The following NTNG1 variants were observed in gnomAD, a reference collection of about 807,000 sequenced individuals.
NTNG1 encodes netrin G1.
Under a neutral mutation model 54.0 loss-of-function variants are expected in NTNG1, and 16 were observed. That is an observed-to-expected ratio of 0.30 (90% confidence interval 0.20 to 0.45). The LOEUF is 0.45. Ranked by LOEUF, NTNG1 falls within the 20% of genes least tolerant of loss-of-function variation. NTNG1 has a pLI of 1.00. For missense variants in NTNG1, 530 were observed against 678.7 expected (o/e 0.78, Z 2.43); for synonymous variants, 255 against 263.1 (o/e 0.97, Z 0.30).
At chr1:107,321,582 T>C (rs1353561721) in intron 2 of NTNG1, among the ~76,000 whole-genome samples, 1 of 152,120 alleles carries the variant, frequency 6.6e-6, no homozygotes, top group Non-Finnish European at 1.5e-5. Flanking sequence ...CCCTCCAGGA[T>C]ACGACTTCTG....
intron 7 of NTNG1, among the ~76,000 whole-genome samples, chr1:107,453,549 C>T (rs146582967): frequency 2.0e-5 from 3 of 152,234 alleles, no homozygotes; most frequent in Non-Finnish European, 4.4e-5. Flanking sequence ...CAAAGCCTCC[C>T]AGGGGGTTTC....
At chr1:107,244,786 G>C (rs968126848) in intron 2 of NTNG1, among the ~76,000 whole-genome samples, 3 of 152,022 alleles carry the variant, frequency 2.0e-5, no homozygotes, top group African/African-American at 7.3e-5. Context: ...GAAGAGTGTG[G>C]CGCGAACAGC....
At chr1:107,196,113 C>G (rs1286707569) in intron 2 of NTNG1, among the ~76,000 whole-genome samples, 1 of 151,904 alleles carries the variant, frequency 6.6e-6, no homozygotes, top group Non-Finnish European at 1.5e-5. Flanking sequence ...TAATGACTTC[C>G]TACCTCTCCA....
At position 107,350,011 on chromosome 1, in the gene NTNG1, ATT is replaced by A. The variant is rs752151019; in HGVS notation, c.887+25091_887+25092del. Among the ~76,000 whole-genome samples, 243 of 152,246 alleles carry A rather than the reference ATT, an allele frequency of 1.6e-3. 3 individuals carry two copies. Among genetic ancestry groups the A allele is most frequent in the Non-Finnish European group, 1.6e-3 (111 of 67,976 alleles). ...ACTTTTCTTCCAAAGTGTTGTACTA[ATT>A]TATATTTTCAACAGCAGGTCTAAAA... On this transcript the variant is annotated intron_variant, in intron 3 of 7. Transcript: ENST00000370068.
At chr1:107,219,489 C>G (rs894856825) in intron 2 of NTNG1, among the ~76,000 whole-genome samples, 1 of 152,098 alleles carries the variant, frequency 6.6e-6, no homozygotes, top group Admixed American at 6.5e-5. Context: ...GTTAAAGAAT[C>G]TTGTTTTGTC....
intron 7 of NTNG1, among the ~76,000 whole-genome samples, chr1:107,449,464 A>T (rs1040981459): frequency 6.6e-6 from 1 of 151,898 alleles, no homozygotes; most frequent in Non-Finnish European, 1.5e-5. Context: ...CCGTGAATTG[A>T]CTCAGGATAT....
intron 2 of NTNG1, among the ~76,000 whole-genome samples, chr1:107,251,113 G>A (rs547443107): frequency 1.6e-4 from 25 of 152,064 alleles, no homozygotes; most frequent in African/African-American, 4.6e-4. Context: ...CAAATCACTG[G>A]GAAAAGAATA....
intron 5 of NTNG1, among the ~76,000 whole-genome samples, chr1:107,423,460 G>A (rs1674697804): frequency 6.6e-6 from 1 of 152,042 alleles, no homozygotes; most frequent in South Asian, 2.1e-4. Flanking sequence ...TCGTGCCAAG[G>A]TTGAGAAACC....
Position 107,158,590 on chromosome 1 carries a change from G to A in NTNG1, c.246+9751G>A, listed in dbSNP as rs545808970. Among the ~76,000 whole-genome samples the A allele has an allele frequency of 2.2e-4, 34 of 152,206 alleles. No individual in the cohort carries two copies. The South Asian group carries it at 5.6e-3, about 25-fold the overall frequency. The stretch of plus-strand genomic sequence containing the variant: ...CATATCTGCACAGTGATTTTTCACC[G>A]TCATATGTGGCATTTTGTTGCTTTC... On this transcript the variant is annotated intron_variant, in intron 2 of 7. Coordinates refer to ENST00000370068, the MANE Select transcript of NTNG1 (RefSeq NM_001113226.3).
At chr1:107,446,931 G>A (rs538851255) in intron 7 of NTNG1, among the ~76,000 whole-genome samples, 10 of 152,116 alleles carry the variant, frequency 6.6e-5, no homozygotes, top group South Asian at 2.1e-4. Flanking sequence ...CTCTGCCTCC[G>A]CCTTAATCTT....
At chr1:107,196,730 T>C (rs1658362450) in intron 2 of NTNG1, among the ~76,000 whole-genome samples, 1 of 152,036 alleles carries the variant, frequency 6.6e-6, no homozygotes, top group Non-Finnish European at 1.5e-5. Context: ...AAACTAAGTA[T>C]GTTGGGTAGA....
In NTNG1 at chr1:107,480,805, A is replaced by T; in HGVS notation, c.1585A>T (p.Thr529Ser). 6.3e-7 allele frequency: 1 copy of T among 1,581,520 alleles called. No individual in the cohort carries two copies. The highest frequency in any genetic ancestry group is 1.1e-5 in the South Asian group (1 of 87,096). ...HGSPALLLLT[T>S]LLGTASPLVF ...CTCCCCAGCGCTGCTGCTGCTGACC[A>T]CGCTGCTGGGAACCGCCAGCCCCCT... The change falls in exon 8 of 8, where the codon ACG becomes TCG. Residue 529 changes from threonine to serine, a missense_variant. Physicochemically the swap from Thr to Ser is moderately conservative, Grantham distance 58 (BLOSUM62 1). Transcript: ENST00000370068.
intron 2 of NTNG1, among the ~76,000 whole-genome samples, chr1:107,207,521 T>C (rs903356796): frequency 3.3e-5 from 5 of 152,206 alleles, no homozygotes; most frequent in African/African-American, 1.2e-4. Context: ...TCATTCTGCT[T>C]TTCTCTTCTA....
intron 3 of NTNG1, among the ~76,000 whole-genome samples, chr1:107,376,848 C>T (rs1297363531): frequency 6.6e-6 from 1 of 152,214 alleles, no homozygotes; most frequent in Non-Finnish European, 1.5e-5. Context: ...AGTGTCCCGT[C>T]TTCCCCTACT....
At chr1:107,381,388 TTAAC>T (rs1271368622) in intron 3 of NTNG1, among the ~76,000 whole-genome samples, 5 of 148,466 alleles carry the variant, frequency 3.4e-5, no homozygotes, top group Non-Finnish European at 7.5e-5. Context: ...TCACTTTATT[TTAAC>T]TAATTTGTTT....
rs757751995 is a variant in NTNG1 at position 107,327,263 on chromosome 1, C to G, written c.887+2341C>G. Among the ~76,000 whole-genome samples the G allele has an allele frequency of 2.6e-5, 4 of 152,154 alleles. 1 individual carries two copies. The South Asian group carries it at 8.3e-4, about 32-fold the overall frequency. ...ACCAGATGGCTGGAGTATTTTTAGT[C>G]TTAGGGGAGGGACTAAAGAAGCAAG... On this transcript the variant is annotated intron_variant, in intron 3 of 7. Transcript: ENST00000370068.
At chr1:107,190,965 T>C (rs866392364) in intron 2 of NTNG1, among the ~76,000 whole-genome samples, 1,904 of 152,280 alleles carry the variant, frequency 0.013, 40 homozygotes, top group African/African-American at 0.044. Flanking sequence ...CTGGGTCAAA[T>C]GGTATTTCTA....
intron 5 of NTNG1, among the ~76,000 whole-genome samples, chr1:107,416,326 C>T (rs1362721128): frequency 1.3e-5 from 2 of 151,710 alleles, no homozygotes; most frequent in Non-Finnish European, 2.9e-5. Flanking sequence ...AAAAAAAAGT[C>T]GAATTACATT....
intron 2 of NTNG1, among the ~76,000 whole-genome samples, chr1:107,246,973 T>C (rs1662245473): frequency 3.6e-5 from 3 of 84,478 alleles, no homozygotes; most frequent in Non-Finnish European, 1.1e-4. Flanking sequence ...CTGCCACTTC[T>C]CTGTGGCTTT....
Sources: allele counts gnomAD v4.1 joint callset (sites outside exome capture counted in the v4.1 genomes callset), GRCh38; gene constraint gnomAD v4.1.1; transcripts MANE v1.5; gene names NCBI Gene and HGNC (gene_info 2026-07-23, HGNC 2026-07-21).